TSPAN1: variants seen among roughly 807,000 people sequenced by gnomAD.
TSPAN1 encodes the protein tetraspanin-1.
Under a neutral mutation model 26.9 loss-of-function variants are expected in TSPAN1, and 23 were observed. The ratio of observed to expected loss-of-function variants is 0.85; its 90% CI spans 0.62 to 1.21. TSPAN1 has a LOEUF of 1.21. Among genes scored for constraint, TSPAN1 ranks in the 50% most tolerant of loss-of-function variants. The probability of loss-of-function intolerance (pLI) is 0.00; values close to 1 mark genes in which losing one functional copy is unlikely to be tolerated. For missense variants in TSPAN1, 283 were observed against 298.4 expected (o/e 0.95, Z 0.38); for synonymous variants, 115 against 114.8 (o/e 1.00, Z -0.01).
At chr1:46,192,636 T>C in the TSPAN1 span, 2 of 1,610,256 alleles carry the variant, frequency 1.2e-6, no homozygotes, top group Non-Finnish European at 1.7e-6. Context: ...CAAGGATAAA[T>C]CTAGTCACAC....
intron 1 of TSPAN1, chr1:46,176,180 G>T: frequency 6.5e-7 from 1 of 1,532,178 alleles, no homozygotes; most frequent in Non-Finnish European, 8.7e-7. Flanking sequence ...CAGCCTAGTG[G>T]CTCTGTTTTT....
Position 46,185,500 on chromosome 1 carries a change from T to C in TSPAN1, c.693T>C (p.Ile231=), listed in dbSNP as rs1294213578. ...GIGGLELAAM[I]VSMYLYCNLQ ...TCCCTCTCCAGCTGGCTGCCATGAT[T>C]GTGTCCATGTATCTGTACTGCAATC... Residue 231 remains isoleucine, a synonymous_variant, in exon 9 of 9, where the codon ATT becomes ATC. Transcript: ENST00000372003. 1.9e-6 allele frequency: 3 copies of C among 1,614,110 alleles called. No homozygotes were observed. The highest frequency in any genetic ancestry group is 1.7e-5 in the Admixed American group (1 of 60,008).
intron 1 of TSPAN1, chr1:46,176,283 C>G: frequency 6.5e-7 from 1 of 1,535,802 alleles, no homozygotes; most frequent in Non-Finnish European, 8.7e-7. Context: ...TGTTGATACC[C>G]ATGGCCCTGG....
At chr1:46,194,658 G>C in the TSPAN1 span, 1 of 1,614,110 alleles carries the variant, frequency 6.2e-7, no homozygotes, top group Non-Finnish European at 8.5e-7. Flanking sequence ...GGACCTGGCA[G>C]GAGGCAGGAA....
downstream of TSPAN1, chr1:46,190,260 G>A: frequency 1.4e-6 from 1 of 705,252 alleles, no homozygotes; most frequent in Non-Finnish European, 2.4e-6. Flanking sequence ...TAGCCAGGAT[G>A]GTCTCGATCT....
chr1:46,193,642 G>A, the TSPAN1 span: 1 of 1,614,146 alleles, frequency 6.2e-7, no homozygotes, highest in Non-Finnish European at 8.5e-7. Context: ...GCAGCATCCT[G>A]GGGAGCCCAG....
the TSPAN1 span, chr1:46,194,955 C>T: frequency 6.2e-7 from 1 of 1,614,060 alleles, no homozygotes; most frequent in South Asian, 1.1e-5. Flanking sequence ...TGGAAGGAGC[C>T]CTCATCCTGG....
chr1:46,194,074 A>G, the TSPAN1 span: 1 of 1,533,184 alleles, frequency 6.5e-7, no homozygotes, highest in East Asian at 2.4e-5. Flanking sequence ...CTCTCCACAC[A>G]CTCAGCCCAA....
At chr1:46,189,494 T>C (rs1350227349), downstream of TSPAN1, 3 of 1,613,544 alleles carry the variant, frequency 1.9e-6, no homozygotes, top group East Asian at 2.2e-5. Context: ...CATCAGGAAG[T>C]GGTTCTTCTT....
rs1485380208 is a variant in TSPAN1 at position 46,184,279 on chromosome 1, G to A, written c.146G>A (p.Ser49Asn). 18 of 1,614,106 alleles carry A rather than the reference G, an allele frequency of 1.1e-5. No homozygotes were observed. The highest frequency in any genetic ancestry group is 1.3e-5 in the African/African-American group (1 of 74,914). ...AAGATCTTCGGGCCACTGTCGTCCAGTGCCATGCAGTTTGTCAACGTGGGC... is the reference window on the plus strand; with the variant it reads ...AAGATCTTCGGGCCACTGTCGTCCAATGCCATGCAGTTTGTCAACGTGGGC... Reference protein sequence around the residue: ...FLKIFGPLSSSAMQFVNVGYF... With the variant: ...FLKIFGPLSSNAMQFVNVGYF... Residue 49 changes from serine (S) to asparagine (N), a missense_variant, in exon 4 of 9, where the codon AGT becomes AAT. Coordinates refer to ENST00000372003, the MANE Select transcript of TSPAN1 (RefSeq NM_005727.4).
At chr1:46,190,912 C>T, downstream of TSPAN1, 2 of 865,810 alleles carry the variant, frequency 2.3e-6, no homozygotes, top group African/African-American at 1.7e-5. Flanking sequence ...TCTAATTTCC[C>T]ACCGTCTTCT....
At chr1:46,180,914 A>C (rs547964730) in intron 2 of TSPAN1, among the ~76,000 whole-genome samples, 186 bp from the exon 3 acceptor site, 88 of 152,004 alleles carry the variant, frequency 5.8e-4, no homozygotes, top group African/African-American at 2.0e-3. Context: ...GGTAGTATAG[A>C]GGGGTAAGGG....
chr1:46,194,073 C>A, the TSPAN1 span: 2 of 1,536,598 alleles, frequency 1.3e-6, no homozygotes. Flanking sequence ...GCTCTCCACA[C>A]ACTCAGCCCA....
chr1:46,180,325 A>G (rs1028672442), intron 1 of TSPAN1, among the ~76,000 whole-genome samples: 2 of 152,132 alleles, frequency 1.3e-5, no homozygotes, highest in Admixed American at 1.3e-4. Context: ...CACTTGCCCC[A>G]CCCCTGGGCT....
At chr1:46,196,146 C>T in the TSPAN1 span, 1 of 1,610,184 alleles carries the variant, frequency 6.2e-7, no homozygotes, top group Non-Finnish European at 8.5e-7. The surrounding 1 kb of genome is among the most constrained non-coding windows in gnomAD (Gnocchi z 4.4). Context: ...CTTAGGGGTA[C>T]TTAAAACACC....
At chr1:46,190,841 T>C, downstream of TSPAN1, 1 of 1,489,864 alleles carries the variant, frequency 6.7e-7, no homozygotes. Context: ...CCACACCCAC[T>C]TGCTGACCAG....
the TSPAN1 span, chr1:46,195,575 G>A: frequency 1.7e-6 from 1 of 588,480 alleles, no homozygotes; most frequent in Non-Finnish European, 3.1e-6. Context: ...CCATGAGGGT[G>A]GGGACTCTGT....
the TSPAN1 span, chr1:46,192,857 G>A: frequency 6.2e-7 from 1 of 1,611,810 alleles, no homozygotes; most frequent in Non-Finnish European, 8.5e-7. Flanking sequence ...CTCTTTCCCT[G>A]CAGACTGAGG....
At chr1:46,176,027 C>A (rs781035560) in intron 1 of TSPAN1, among the ~76,000 whole-genome samples, 1 of 152,202 alleles carries the variant, frequency 6.6e-6, no homozygotes. Flanking sequence ...CGTGTGCCAC[C>A]ACGCCCGGCT....
Sources: allele counts gnomAD v4.1 joint callset (sites outside exome capture counted in the v4.1 genomes callset), GRCh38; gene constraint gnomAD v4.1.1; non-coding constraint Gnocchi (gnomAD v3.1); transcripts MANE v1.5; gene names NCBI Gene and HGNC (gene_info 2026-07-23, HGNC 2026-07-21).